PCOLCE2: variants seen among roughly 807,000 people sequenced by gnomAD.
The protein encoded by PCOLCE2 is procollagen C-proteinase enhancer 2.
In PCOLCE2, 42 loss-of-function variants were observed where a neutral mutation model predicts 47.0. That is an observed-to-expected ratio of 0.89 (90% CI 0.70 to 1.16). The LOEUF is 1.16. Ranked by LOEUF, PCOLCE2 falls within the 50% of genes most tolerant of loss-of-function variation. The probability of loss-of-function intolerance (pLI) is 0.00; values close to 1 mark genes in which losing one functional copy is unlikely to be tolerated. For missense variants in PCOLCE2, 500 were observed against 526.1 expected (o/e 0.95, Z 0.49); for synonymous variants, 169 against 191.7 (o/e 0.88, Z 0.98).
chr3:142,828,428 G>C (rs186368391), intron 6 of PCOLCE2, among the ~76,000 whole-genome samples: 1 of 152,290 alleles, frequency 6.6e-6, no homozygotes, highest in South Asian at 2.1e-4. Flanking sequence ...AGTGCTCACA[G>C]TGGCTGCCAT....
chr3:142,852,165 G>C (rs1267022725), intron 2 of PCOLCE2, among the ~76,000 whole-genome samples: 1 of 152,210 alleles, frequency 6.6e-6, no homozygotes, highest in Admixed American at 6.5e-5. Context: ...AGGCCAGAGA[G>C]AAATTCTATT....
intron 6 of PCOLCE2, among the ~76,000 whole-genome samples, chr3:142,824,367 C>T (rs192596993): frequency 6.6e-6 from 1 of 152,210 alleles, no homozygotes; most frequent in East Asian, 1.9e-4. Flanking sequence ...GAAAAAAGGA[C>T]AGTCCCCGCA....
chr3:142,888,593 G>A (rs1933761457), intron 1 of PCOLCE2: 2 of 411,036 alleles, frequency 4.9e-6, no homozygotes, highest in Non-Finnish European at 8.7e-6. Flanking sequence ...CCGGCAGGCC[G>A]GGCTGGGGAC....
At chr3:142,872,970 G>A (rs1036183818) in intron 2 of PCOLCE2, among the ~76,000 whole-genome samples, 2 of 152,038 alleles carry the variant, frequency 1.3e-5, no homozygotes, top group Admixed American at 6.5e-5. Context: ...CATACCAAAG[G>A]TGATTTTATT....
At chr3:142,846,268 G>A (rs534287031) in intron 3 of PCOLCE2, among the ~76,000 whole-genome samples, 68 of 152,100 alleles carry the variant, frequency 4.5e-4, no homozygotes, top group Admixed American at 2.1e-3. Flanking sequence ...GCGCAATCTC[G>A]GCTCCCTGCA....
At chr3:142,872,683 C>A (rs1423555275) in intron 2 of PCOLCE2, among the ~76,000 whole-genome samples, 2 of 152,144 alleles carry the variant, frequency 1.3e-5, no homozygotes, top group African/African-American at 4.8e-5. Context: ...ACCAAATAAC[C>A]CCTAAGGGAA....
chr3:142,860,784 A>G (rs1307838141), intron 2 of PCOLCE2, among the ~76,000 whole-genome samples: 1 of 152,206 alleles, frequency 6.6e-6, no homozygotes, highest in African/African-American at 2.4e-5. Context: ...GCCAGGCACC[A>G]GTATTCTATC....
At chr3:142,843,265 G>C in intron 3 of PCOLCE2, 1 of 627,042 alleles carries the variant, frequency 1.6e-6, no homozygotes, top group South Asian at 1.5e-5. Context: ...ATAGCAACAC[G>C]AGAGAGGGGA....
intron 6 of PCOLCE2, among the ~76,000 whole-genome samples, chr3:142,828,421 G>A (rs991889395): frequency 3.3e-5 from 5 of 152,104 alleles, no homozygotes; most frequent in Non-Finnish European, 7.3e-5. Flanking sequence ...CATTTTAAGT[G>A]CTCACAGTGG....
intron 5 of PCOLCE2, among the ~76,000 whole-genome samples, chr3:142,832,566 T>C (rs1169051061): frequency 6.6e-6 from 1 of 152,172 alleles, no homozygotes; most frequent in Non-Finnish European, 1.5e-5. Flanking sequence ...TTTCAAAAGC[T>C]TTCCCTGATC....
intron 3 of PCOLCE2, among the ~76,000 whole-genome samples, chr3:142,846,449 C>CT (rs927511229): frequency 6.6e-6 from 1 of 152,226 alleles, no homozygotes; most frequent in African/African-American, 2.4e-5. Flanking sequence ...ATCTGCCTGC[C>CT]TTGGCCTCCC....
At chr3:142,861,271 A>C (rs1354531202) in intron 2 of PCOLCE2, among the ~76,000 whole-genome samples, 2 of 152,178 alleles carry the variant, frequency 1.3e-5, no homozygotes, top group Non-Finnish European at 2.9e-5. Context: ...TAAATTTAAC[A>C]AAGATGCACC....
At chr3:142,878,553 G>A (rs1223223924) in intron 2 of PCOLCE2, among the ~76,000 whole-genome samples, 2 of 152,104 alleles carry the variant, frequency 1.3e-5, no homozygotes, top group Non-Finnish European at 2.9e-5. Context: ...ATGGGAAAGC[G>A]ACAGCACACA....
At chr3:142,856,185 G>C (rs981624110) in intron 2 of PCOLCE2, among the ~76,000 whole-genome samples, 3 of 152,146 alleles carry the variant, frequency 2.0e-5, no homozygotes, top group African/African-American at 7.2e-5. Flanking sequence ...GCTGAATTCA[G>C]GTCAAAGCAC....
At chr3:142,818,916 G>A (rs540581500) in intron 8 of PCOLCE2, among the ~76,000 whole-genome samples, 40 of 152,328 alleles carry the variant, frequency 2.6e-4, no homozygotes, top group African/African-American at 7.2e-4. Context: ...AGAATGCACC[G>A]CGTTAACGTG....
At chr3:142,858,352 G>A (rs1376273010) in intron 2 of PCOLCE2, among the ~76,000 whole-genome samples, 1 of 152,176 alleles carries the variant, frequency 6.6e-6, no homozygotes, top group Non-Finnish European at 1.5e-5. Context: ...GGTGAAGATG[G>A]AGATGGAAAA....
At chr3:142,870,556 C>T (rs1018953874) in intron 2 of PCOLCE2, among the ~76,000 whole-genome samples, 4 of 152,198 alleles carry the variant, frequency 2.6e-5, no homozygotes, top group Middle Eastern at 3.4e-3. Context: ...CAGATTCTGA[C>T]GCCTTATTTT....
At chr3:142,881,347 G>C (rs1933616792) in intron 2 of PCOLCE2, among the ~76,000 whole-genome samples, 1 of 152,012 alleles carries the variant, frequency 6.6e-6, no homozygotes, top group South Asian at 2.1e-4. Flanking sequence ...CCCAACCCCA[G>C]AGAATCAGAT....
intron 2 of PCOLCE2, among the ~76,000 whole-genome samples, chr3:142,880,990 A>G (rs1933601613): frequency 6.6e-6 from 1 of 152,242 alleles, no homozygotes; most frequent in Non-Finnish European, 1.5e-5. Flanking sequence ...CCAAATTATC[A>G]ACACTTAAAA....
Sources: allele counts gnomAD v4.1 joint callset (sites outside exome capture counted in the v4.1 genomes callset), GRCh38; gene constraint gnomAD v4.1.1; transcripts MANE v1.5; gene names NCBI Gene and HGNC (gene_info 2026-07-23, HGNC 2026-07-21).